MCAM: variants seen among roughly 807,000 people sequenced by gnomAD.
MCAM encodes cell surface glycoprotein MUC18.
MCAM carries 55 observed loss-of-function variants against 79.1 expected under a neutral mutation model. The ratio of observed to expected loss-of-function variants is 0.70; its 90% CI spans 0.56 to 0.87. The LOEUF (loss-of-function observed/expected upper bound fraction) is 0.87. MCAM is among the 40% of genes least tolerant of loss of function. MCAM has a pLI of 0.00. For missense variants in MCAM, 745 were observed against 839.8 expected (o/e 0.89, Z 1.40); for synonymous variants, 330 against 339.8 (o/e 0.97, Z 0.32).
In MCAM at chr11:119,311,441, G is replaced by T; in HGVS notation, c.1408-20C>A. ...ACTTGCCTGCGAGGAAAGGAAGGAG[G>T]CAGCTCAGGGGATGGGGAGGATCTC... On this transcript the variant is annotated intron_variant, in intron 11 of 15. Coordinates refer to ENST00000264036, the MANE Select transcript of MCAM (RefSeq NM_006500.3). The surrounding 1 kb of genome is among the most constrained non-coding windows in gnomAD (Gnocchi z 4.4). The T allele has an allele frequency of 1.2e-6, 2 of 1,613,962 alleles. No individual in the cohort carries two copies. The highest frequency in any genetic ancestry group is 1.7e-6 in the Non-Finnish European group (2 of 1,179,840).
Position 119,309,797 on chromosome 11 carries a change from C to G in MCAM, c.*89G>C. 6.6e-6 allele frequency: 9 copies of G among 1,358,080 alleles called. No homozygotes were observed. Among genetic ancestry groups the G allele is most frequent in the South Asian group, 2.5e-5 (2 of 80,138 alleles). 84.1% of individuals were successfully genotyped at this position (1,358,080 alleles called of 1,614,324 possible). A position where few individuals can be genotyped will look rare whatever the true frequency, so the allele number is the denominator to read the frequency against. On this transcript the variant is annotated 3_prime_UTR_variant, in exon 16 of 16. Transcript: ENST00000264036. ...GGCGAGGGGAGCAGGAGGCTTCTCT[C>G]TAGTCCCTTTGGAGGCTTTGGCTGA...
rs532236104 is a variant in MCAM, at chr11:119,309,195, C to G, written c.*691G>C. Reference sequence around the variant, plus strand: ...TTCACCGTGTTAGCCAGGATGGTCTCGTCCTGACTTTGTGATCCGCCCGCC... The same window carrying G: ...TTCACCGTGTTAGCCAGGATGGTCTGGTCCTGACTTTGTGATCCGCCCGCC... On this transcript the variant is annotated 3_prime_UTR_variant, in exon 16 of 16. Transcript: ENST00000264036. The G allele has an allele frequency of 6.6e-6, 1 of 152,488 alleles. No homozygotes were observed. Among genetic ancestry groups the G allele is most frequent in the Non-Finnish European group, 1.5e-5 (1 of 68,294 alleles). The allele number at this position is 152,488 out of a possible 1,614,324, so 9.4% of individuals were successfully genotyped here. A position where few individuals can be genotyped will look rare whatever the true frequency, so the allele number is the denominator to read the frequency against.
At position 119,314,543 on chromosome 11, in the gene MCAM, TG is replaced by T; in HGVS notation, c.504del (p.Ile169PhefsTer13). On this transcript the variant is annotated frameshift_variant, in exon 5 of 16. Transcript: ENST00000264036. LOFTEE classifies it high-confidence loss of function. Reference protein sequence around the residue: ...VATCVGRNGYPIPQVIWYKNG... With the variant: ...VATCVGRNGYXIPQVIWYKNG... ...TTCTTGTACCAGATGACTTGAGGAATGGGGTACCCGTTCCTCCCTACACAGG... is the reference window on the plus strand; with the variant it reads ...TTCTTGTACCAGATGACTTGAGGAATGGGTACCCGTTCCTCCCTACACAGG... 2 of 1,613,772 alleles carry T rather than the reference TG, an allele frequency of 1.2e-6. No individual in the cohort carries two copies. Among genetic ancestry groups the T allele is most frequent in the South Asian group, 1.1e-5 (1 of 91,076 alleles).
Position 119,309,799 on chromosome 11 carries a change from A to C in MCAM, c.*87T>G. 7.4e-7 allele frequency: 1 copy of C among 1,350,148 alleles called. No individual in the cohort carries two copies. Among genetic ancestry groups the C allele is most frequent in the Non-Finnish European group, 1.0e-6 (1 of 961,846 alleles). The allele number at this position is 1,350,148 out of a possible 1,614,324, so 83.6% of individuals were successfully genotyped here. On this transcript the variant is annotated 3_prime_UTR_variant, in exon 16 of 16. Coordinates refer to ENST00000264036, the MANE Select transcript of MCAM (RefSeq NM_006500.3). ...CGAGGGGAGCAGGAGGCTTCTCTCTAGTCCCTTTGGAGGCTTTGGCTGAGA... is the reference window on the plus strand; with the variant it reads ...CGAGGGGAGCAGGAGGCTTCTCTCTCGTCCCTTTGGAGGCTTTGGCTGAGA...
chr11:119,315,386 T>A lies in MCAM; in HGVS notation c.68-123A>T. 1 of 1,270,416 alleles carries A rather than the reference T, an allele frequency of 7.9e-7. No homozygotes were observed. 78.7% of individuals were successfully genotyped at this position (1,270,416 alleles called of 1,614,324 possible). On this transcript the variant is annotated intron_variant, in intron 1 of 15. Transcript: ENST00000264036. This position sits in a 1 kb window ranked among gnomAD's most constrained non-coding sequence, Gnocchi z 4.4. Reference sequence around the variant, plus strand: ...AGAGGGTCTGCAGAGGGCCCTGTCCTCTGAACGCTCTACCCCCACCCCGAC... The same window carrying A: ...AGAGGGTCTGCAGAGGGCCCTGTCCACTGAACGCTCTACCCCCACCCCGAC...
In MCAM at chr11:119,312,882, C is replaced by A; in HGVS notation, c.627G>T (p.Lys209Asn). The change falls in exon 6 of 16, where the codon AAG (lysine) becomes AAT (asparagine). Residue 209 changes from lysine (K) to asparagine (N), a missense_variant. By Grantham distance (94) the Lys-to-Asn change is moderately conservative (BLOSUM62 0). Transcript: ENST00000264036. This position sits in a 1 kb window ranked among gnomAD's most constrained non-coding sequence, Gnocchi z 4.9. ...SGLYTLQSIL[K>N]AQLVKEDKDA... ...CTTTGTCTTCTTTAACCAGCTGTGC[C>A]TTCAGAATACTCTGCAAGGTGTACA... is the stretch of plus-strand genomic sequence containing the variant. 6.2e-7 allele frequency: 1 copy of A among 1,614,196 alleles called. No homozygotes were observed. The highest frequency in any genetic ancestry group is 8.5e-7 in the Non-Finnish European group (1 of 1,180,050).
At chr11:119,310,928 C>G (rs1161131746) in intron 13 of MCAM, 25 bp from the exon 14 acceptor site, 3 of 1,614,036 alleles carry the variant, frequency 1.9e-6, no homozygotes, top group African/African-American at 2.7e-5. Flanking sequence ...CACTCCTCGT[C>G]ACTCCCTGCC....
In MCAM at chr11:119,315,389, G is replaced by T; in HGVS notation, c.68-126C>A. 1.6e-6 allele frequency: 2 copies of T among 1,269,126 alleles called. No homozygotes were observed. The highest frequency in any genetic ancestry group is 1.4e-5 in the South Asian group (1 of 69,632). 78.6% of individuals were successfully genotyped at this position (1,269,126 alleles called of 1,614,324 possible). A position where few individuals can be genotyped will look rare whatever the true frequency, so the allele number is the denominator to read the frequency against. ...GGGTCTGCAGAGGGCCCTGTCCTCT[G>T]AACGCTCTACCCCCACCCCGACCCG... is the stretch of plus-strand genomic sequence containing the variant. On this transcript the variant is annotated intron_variant, in intron 1 of 15. Transcript: ENST00000264036. This position sits in a 1 kb window ranked among gnomAD's most constrained non-coding sequence, Gnocchi z 4.4.
Position 119,315,023 on chromosome 11 carries a change from C to T in MCAM, c.210G>A (p.Arg70=). ...CCTGGCGCACACGGAAGATGAGCGT[C>T]CGCTTCTCCTTGTGGACCTAATGGG... ...VDWFSVHKEK[R]TLIFRVRQGQ... The change falls in exon 3 of 16, where the codon CGG becomes CGA. Residue 70 remains arginine, a synonymous_variant. Transcript: ENST00000264036. The surrounding 1 kb of genome is among the most constrained non-coding windows in gnomAD (Gnocchi z 4.4). 2 of 1,608,516 alleles carry T rather than the reference C, an allele frequency of 1.2e-6. No individual in the cohort carries two copies. Among genetic ancestry groups the T allele is most frequent in the East Asian group, 2.2e-5 (1 of 44,868 alleles).
Position 119,309,680 on chromosome 11 carries a change from T to G in MCAM, c.*206A>C. 1 of 581,756 alleles carries G rather than the reference T, an allele frequency of 1.7e-6. No individual in the cohort carries two copies. The highest frequency in any genetic ancestry group is 3.1e-6 in the Non-Finnish European group (1 of 322,502). 36.0% of individuals were successfully genotyped at this position (581,756 alleles called of 1,614,324 possible). A position where few individuals can be genotyped will look rare whatever the true frequency, so the allele number is the denominator to read the frequency against. ...TGAGCTTCACTCAACGTGGAGGAGA[T>G]GGTGGTGGACTGGTCCCTGAAAAGC... On this transcript the variant is annotated 3_prime_UTR_variant, in exon 16 of 16. Coordinates refer to ENST00000264036, the MANE Select transcript of MCAM (RefSeq NM_006500.3).
At position 119,311,701 on chromosome 11, in the gene MCAM, C is replaced by T. The variant is rs1335218976; in HGVS notation, c.1286-50G>A. The T allele has an allele frequency of 6.2e-7, 1 of 1,611,956 alleles. No homozygotes were observed. ...GTGGCAAGCCCAGCTAGCCTGCCTC[C>T]CCCTCCGCACCAGAGCTCCCCAGGG... On this transcript the variant is annotated intron_variant, in intron 10 of 15. Coordinates refer to ENST00000264036, the MANE Select transcript of MCAM (RefSeq NM_006500.3). The surrounding 1 kb of genome is among the most constrained non-coding windows in gnomAD (Gnocchi z 4.4).
intron 14 of MCAM, 133 bp downstream of exon 14, chr11:119,310,623 G>A: frequency 8.8e-7 from 1 of 1,130,598 alleles, no homozygotes. Context: ...TGGAAGCTGG[G>A]CAGTGGGTAG....
intron 5 of MCAM, chr11:119,314,226 G>C: frequency 2.0e-6 from 1 of 488,788 alleles, no homozygotes; most frequent in Non-Finnish European, 3.6e-6. Flanking sequence ...TGCAATCCTA[G>C]CTCACTGCAG....
chr11:119,310,627 T>G, intron 14 of MCAM, 129 bp downstream of exon 14: 1 of 1,146,258 alleles, frequency 8.7e-7, no homozygotes. Context: ...AGCTGGGCAG[T>G]GGGTAGTGGA....
rs971973024 is a variant in MCAM at position 119,312,895 on chromosome 11, T to G, written c.614A>C (p.Gln205Pro). Residue 205 changes from glutamine (Q) to proline (P), a missense_variant, in exon 6 of 16, where the codon CAG (glutamine) becomes CCG (proline). Transcript: ENST00000264036. This position sits in a 1 kb window ranked among gnomAD's most constrained non-coding sequence, Gnocchi z 4.9. ...TVESSGLYTL[Q>P]SILKAQLVKE... Reference sequence around the variant, plus strand: ...AACCAGCTGTGCCTTCAGAATACTCTGCAAGGTGTACAAACCACTCGACTC... The same window carrying G: ...AACCAGCTGTGCCTTCAGAATACTCGGCAAGGTGTACAAACCACTCGACTC... 1.2e-6 allele frequency: 2 copies of G among 1,614,084 alleles called. No individual in the cohort carries two copies. The highest frequency in any genetic ancestry group is 1.1e-5 in the South Asian group (1 of 91,086).
At position 119,317,071 on chromosome 11, in the gene MCAM, A is replaced by C; in HGVS notation, c.31T>G (p.Leu11Val). The change falls in exon 1 of 16, where the codon TTG (leucine) becomes GTG (valine). Residue 11 changes from leucine (L) to valine (V), a missense_variant. Transcript: ENST00000264036. This position sits in a 1 kb window ranked among gnomAD's most constrained non-coding sequence, Gnocchi z 6.2. MGLPRLVCAFLLAACCCCPRV... is the reference protein window; with the variant it reads MGLPRLVCAFVLAACCCCPRV... ...GGACAGCAGCAGCAGGCGGCGAGCA[A>C]GAAGGCGCAGACCAGCCTGGGAAGC... 1 of 1,535,016 alleles carries C rather than the reference A, an allele frequency of 6.5e-7. No individual in the cohort carries two copies. Among genetic ancestry groups the C allele is most frequent in the Non-Finnish European group, 8.7e-7 (1 of 1,144,424 alleles).
chr11:119,309,957 GC>G (rs747399883), intron 15 of MCAM, 42 bp from the exon 16 acceptor site: 13 of 1,550,058 alleles, frequency 8.4e-6, no homozygotes, highest in Non-Finnish European at 1.1e-5. Context: ...CGGAGACGGT[GC>G]TGAGTTGAAG....
At position 119,311,474 on chromosome 11, in the gene MCAM, G is replaced by T. The variant is rs1950232877; in HGVS notation, c.1408-53C>A. The T allele has an allele frequency of 1.9e-6, 3 of 1,613,526 alleles. No homozygotes were observed. Among genetic ancestry groups the T allele is most frequent in the Admixed American group, 1.7e-5 (1 of 60,012 alleles). On this transcript the variant is annotated intron_variant, in intron 11 of 15. Transcript: ENST00000264036. This position sits in a 1 kb window ranked among gnomAD's most constrained non-coding sequence, Gnocchi z 4.4. ...GGGGATGGGGAGGATCTCTGGTCCT[G>T]GCCACAAAGCGCAGGCAGGGATTAG...
Position 119,310,364 on chromosome 11 carries a change from C to T in MCAM, c.1896G>A (p.Arg632=), listed in dbSNP as rs1258544452. ...GLLQGSSGDK[R]APGDQGEKYI... Reference sequence around the variant, plus strand: ...CGCCTCCTACCTGGTCTCCCGGAGCCCTCTTGTCACCGCTGCTGCCCTGCA... The same window carrying T: ...CGCCTCCTACCTGGTCTCCCGGAGCTCTCTTGTCACCGCTGCTGCCCTGCA... The change falls in exon 15 of 16, where the codon AGG becomes AGA. Residue 632 remains arginine, a synonymous_variant. Coordinates refer to ENST00000264036, the MANE Select transcript of MCAM (RefSeq NM_006500.3). The T allele has an allele frequency of 1.2e-6, 2 of 1,613,146 alleles. No homozygotes were observed. The highest frequency in any genetic ancestry group is 2.2e-5 in the East Asian group (1 of 44,874).
Sources: allele counts gnomAD v4.1 joint callset, GRCh38; gene constraint gnomAD v4.1.1; non-coding constraint Gnocchi (gnomAD v3.1); transcripts MANE v1.5; gene names NCBI Gene and HGNC (gene_info 2026-07-23, HGNC 2026-07-21).